Variants in WWOX observed in about 807,000 individuals in gnomAD.
WWOX encodes the protein WW domain containing oxidoreductase.
A neutral mutation model predicts 46.2 loss-of-function variants in WWOX; 69 were observed. That is an observed-to-expected ratio of 1.49 (90% CI 1.23 to 1.82). The LOEUF (loss-of-function observed/expected upper bound fraction) is 1.82. WWOX is among the 40% of genes most tolerant of loss of function. The pLI is 0.00. For missense variants in WWOX, 919 were observed against 542.6 expected (o/e 1.69, Z -6.89); for synonymous variants, 359 against 202.6 (o/e 1.77, Z -6.56).
chr16:78,694,893 C>G (rs1209531754), intron 8 of WWOX, among the ~76,000 whole-genome samples: 2 of 151,938 alleles, frequency 1.3e-5, no homozygotes, highest in Non-Finnish European at 2.9e-5. Flanking sequence ...AAATGGCCTA[C>G]TTAAACCTTG....
At chr16:78,719,751 C>G (rs569740274) in intron 8 of WWOX, among the ~76,000 whole-genome samples, 37 of 152,196 alleles carry the variant, frequency 2.4e-4, no homozygotes, top group African/African-American at 8.9e-4. Context: ...TAACTTTAAG[C>G]TTCATCAAGT....
chr16:78,630,439 G>A (rs1056813513), intron 8 of WWOX, among the ~76,000 whole-genome samples: 2 of 152,146 alleles, frequency 1.3e-5, no homozygotes, highest in Non-Finnish European at 2.9e-5. Flanking sequence ...CTGGAATTTT[G>A]TTATATGCTA....
intron 8 of WWOX, among the ~76,000 whole-genome samples, chr16:78,559,182 C>G (rs374029416): frequency 6.6e-6 from 1 of 152,154 alleles, no homozygotes; most frequent in Non-Finnish European, 1.5e-5. Flanking sequence ...TAGATCTTAC[C>G]CTGACAGTCA....
chr16:78,747,349 A>G (rs2049373002), intron 8 of WWOX, among the ~76,000 whole-genome samples: 1 of 151,564 alleles, frequency 6.6e-6, no homozygotes, highest in Non-Finnish European at 1.5e-5. Flanking sequence ...CTGCGACCAC[A>G]CCTGTCTAAT....
chr16:78,386,446 C>T (rs545508438), intron 5 of WWOX, among the ~76,000 whole-genome samples: 3 of 152,272 alleles, frequency 2.0e-5, no homozygotes, highest in East Asian at 1.9e-4. Context: ...GGAGATATTT[C>T]AGAACCTGGA....
chr16:78,598,259 T>G (rs954890179), intron 8 of WWOX, among the ~76,000 whole-genome samples: 1 of 152,184 alleles, frequency 6.6e-6, no homozygotes. Context: ...CTAGAACCAG[T>G]TAAAACCACA....
intron 8 of WWOX, among the ~76,000 whole-genome samples, chr16:78,998,649 T>C (rs1004902574): frequency 6.6e-6 from 1 of 152,218 alleles, no homozygotes; most frequent in African/African-American, 2.4e-5. Context: ...GACTTTGATG[T>C]GTGTAGGTAA....
intron 8 of WWOX, among the ~76,000 whole-genome samples, chr16:78,536,087 G>T (rs1420732368): frequency 6.6e-6 from 1 of 152,086 alleles, no homozygotes; most frequent in Non-Finnish European, 1.5e-5. Context: ...CTTGCCATGG[G>T]GCCTTGTATA....
chr16:79,001,130 A>G (rs1328744967), intron 8 of WWOX, among the ~76,000 whole-genome samples: 2 of 152,220 alleles, frequency 1.3e-5, no homozygotes, highest in Non-Finnish European at 2.9e-5. Context: ...TCCCACATCC[A>G]GGTGCCAGTC....
chr16:79,110,430 G>C (rs927520659), intron 8 of WWOX, among the ~76,000 whole-genome samples: 5 of 152,186 alleles, frequency 3.3e-5, no homozygotes, highest in Admixed American at 6.5e-5. Flanking sequence ...GCAAGTTGGA[G>C]TCCTGCCTCC....
intron 8 of WWOX, among the ~76,000 whole-genome samples, chr16:78,866,765 G>A (rs2044013245): frequency 6.6e-6 from 1 of 152,198 alleles, no homozygotes; most frequent in Non-Finnish European, 1.5e-5. Context: ...GGGCTATCCA[G>A]GGAATTGGGG....
intron 8 of WWOX, among the ~76,000 whole-genome samples, chr16:79,137,246 T>C (rs991050277): frequency 1.3e-5 from 2 of 152,210 alleles, no homozygotes; most frequent in Non-Finnish European, 2.9e-5. Flanking sequence ...ATAGACCTTA[T>C]AGAAATCACC....
At chr16:78,352,808 A>T (rs1267017857) in intron 5 of WWOX, among the ~76,000 whole-genome samples, 1 of 152,082 alleles carries the variant, frequency 6.6e-6, no homozygotes, top group African/African-American at 2.4e-5. Context: ...AATTTATTTT[A>T]TGTCCTTGGA....
At chr16:78,507,186 AC>A (rs1484772699) in intron 8 of WWOX, among the ~76,000 whole-genome samples, 1 of 152,226 alleles carries the variant, frequency 6.6e-6, no homozygotes, top group African/African-American at 2.4e-5. Context: ...AGGAGACAGA[AC>A]ATGAGTGATT....
rs185313250 is a variant in WWOX at position 78,261,195 on chromosome 16, A to G, written c.516+96906A>G. On this transcript the variant is annotated intron_variant, in intron 5 of 8. Coordinates refer to ENST00000566780, the MANE Select transcript of WWOX (RefSeq NM_016373.4). ...ATGGTGGCCAAAAAAGCAGATTGGTATCATGCTTTATGTGTGTTCATTCTA... is the reference window on the plus strand; with the variant it reads ...ATGGTGGCCAAAAAAGCAGATTGGTGTCATGCTTTATGTGTGTTCATTCTA... Among the ~76,000 whole-genome samples the G allele has an allele frequency of 6.0e-4, 90 of 151,042 alleles. 2 individuals carry two copies. The highest frequency in any genetic ancestry group is 1.0e-3 in the African/African-American group (42 of 41,064).
intron 8 of WWOX, among the ~76,000 whole-genome samples, chr16:78,612,956 A>G (rs1022480473): frequency 6.6e-6 from 1 of 152,196 alleles, no homozygotes; most frequent in Non-Finnish European, 1.5e-5. Context: ...TGGGGTCACT[A>G]CCAACCTTGC....
At chr16:78,982,606 C>A (rs1329659556) in intron 8 of WWOX, among the ~76,000 whole-genome samples, 2 of 152,108 alleles carry the variant, frequency 1.3e-5, no homozygotes, top group Non-Finnish European at 2.9e-5. Flanking sequence ...TGCTCTATGG[C>A]TTCTTGACAG....
At chr16:78,534,954 T>G (rs1043920414) in intron 8 of WWOX, among the ~76,000 whole-genome samples, 1 of 152,142 alleles carries the variant, frequency 6.6e-6, no homozygotes, top group Non-Finnish European at 1.5e-5. Flanking sequence ...CCTCATGATC[T>G]GTTCGTCTCA....
At chr16:78,670,809 C>A (rs192381944) in intron 8 of WWOX, among the ~76,000 whole-genome samples, 1 of 151,982 alleles carries the variant, frequency 6.6e-6, no homozygotes, top group African/African-American at 2.4e-5. Context: ...ACTCCACCTA[C>A]CCAGAAATAA....
Sources: gnomAD v4.1 joint callset for allele counts (sites outside exome capture counted in the v4.1 genomes callset) on GRCh38, gnomAD v4.1.1 for gene constraint, MANE v1.5 for transcripts, NCBI Gene and HGNC (gene_info 2026-07-23, HGNC 2026-07-21) for gene names.